NDST4: variants seen among roughly 807,000 people sequenced by gnomAD.
NDST4 encodes N-heparan sulfate sulfotransferase 4.
NDST4 carries 63 observed loss-of-function variants against 100.8 expected under a neutral mutation model. The ratio of observed to expected loss-of-function variants is 0.62; its 90% confidence interval spans 0.51 to 0.77. NDST4 has a LOEUF of 0.77. Ranked by LOEUF, NDST4 falls within the 30% of genes least tolerant of loss-of-function variation. NDST4 has a pLI of 0.00. For missense variants in NDST4, 943 were observed against 1,018.4 expected (o/e 0.93, Z 1.01); for synonymous variants, 377 against 361.8 (o/e 1.04, Z -0.48).
At chr4:114,965,893 T>C (rs1173874447) in intron 4 of NDST4, among the ~76,000 whole-genome samples, 1 of 152,020 alleles carries the variant, frequency 6.6e-6, no homozygotes, top group Non-Finnish European at 1.5e-5. Context: ...TTTTTTTTAT[T>C]AGTGCTTTCA....
intron 7 of NDST4, among the ~76,000 whole-genome samples, chr4:114,858,592 G>A (rs183849703): frequency 6.6e-6 from 1 of 152,156 alleles, no homozygotes; most frequent in Admixed American, 6.6e-5. Context: ...TTGGTGCAGA[G>A]TCCAACAAAT....
intron 2 of NDST4, among the ~76,000 whole-genome samples, chr4:114,989,711 A>G (rs957061272): frequency 1.3e-5 from 2 of 152,166 alleles, no homozygotes; most frequent in African/African-American, 4.8e-5. Flanking sequence ...GCCAATTGAG[A>G]AATGAGGGTC....
At chr4:115,057,763 A>C (rs1364651920) in intron 2 of NDST4, among the ~76,000 whole-genome samples, 4 of 151,384 alleles carry the variant, frequency 2.6e-5, no homozygotes, top group African/African-American at 7.3e-5. Flanking sequence ...CACACACCAA[A>C]AAGGGCAGTG....
chr4:114,994,757 GA>G lies in NDST4; in HGVS notation c.979-17484del, dbSNP rs372836764. On this transcript the variant is annotated intron_variant, in intron 2 of 13. Coordinates refer to ENST00000264363, the MANE Select transcript of NDST4 (RefSeq NM_022569.3). ...CAATATGAAGAATACTTTGAGCTTG[GA>G]AAAAATCTTATCCTCTTGGGTTTAA... Among the ~76,000 whole-genome samples, 1,015 of 151,982 alleles carry G rather than the reference GA, an allele frequency of 6.7e-3. 8 individuals carry two copies. Among genetic ancestry groups the G allele is most frequent in the African/African-American group, 0.021 (877 of 41,484 alleles).
intron 2 of NDST4, among the ~76,000 whole-genome samples, chr4:115,072,637 G>C (rs1162912041): frequency 2.0e-5 from 3 of 151,830 alleles, no homozygotes; most frequent in Admixed American, 1.3e-4. Context: ...ATATCTATAG[G>C]CAGAAGCATG....
At chr4:114,946,016 C>A (rs1725854868) in intron 4 of NDST4, among the ~76,000 whole-genome samples, 1 of 152,284 alleles carries the variant, frequency 6.6e-6, no homozygotes, top group South Asian at 2.1e-4. Flanking sequence ...CAGTCTTGAA[C>A]TTTCCGATCC....
At chr4:114,900,550 C>A (rs1280613715) in intron 6 of NDST4, among the ~76,000 whole-genome samples, 2 of 152,074 alleles carry the variant, frequency 1.3e-5, no homozygotes, top group Admixed American at 6.5e-5. Context: ...CTTAGATACA[C>A]AAATACCAAC....
At chr4:114,878,518 T>C (rs72895263) in intron 6 of NDST4, among the ~76,000 whole-genome samples, 10,533 of 152,212 alleles carry the variant, frequency 0.069, 409 homozygotes, top group African/African-American at 0.098. Context: ...AAAAATCAGA[T>C]TGCTATAATA....
intron 7 of NDST4, among the ~76,000 whole-genome samples, chr4:114,858,004 C>T (rs1447764475): frequency 6.6e-6 from 1 of 152,164 alleles, no homozygotes; most frequent in African/African-American, 2.4e-5. Context: ...AACATTCCTA[C>T]GTGTTGCCTA....
At chr4:114,907,106 T>G (rs931257928) in intron 6 of NDST4, among the ~76,000 whole-genome samples, 4 of 152,138 alleles carry the variant, frequency 2.6e-5, no homozygotes, top group African/African-American at 9.6e-5. Context: ...CATTGGTAAA[T>G]TATTTACCCC....
chr4:114,956,961 C>T (rs1726155028), intron 4 of NDST4, among the ~76,000 whole-genome samples: 1 of 152,106 alleles, frequency 6.6e-6, no homozygotes, highest in African/African-American at 2.4e-5. Flanking sequence ...GAAATTGCCT[C>T]TAAAGGGCCA....
chr4:115,078,937 TA>T (rs1331911109), intron 1 of NDST4, among the ~76,000 whole-genome samples: 1 of 152,038 alleles, frequency 6.6e-6, no homozygotes, highest in Non-Finnish European at 1.5e-5. Context: ...TCAGAACTGA[TA>T]TTTAAAGGAG....
chr4:114,877,223 T>C (rs1392929484), intron 6 of NDST4, among the ~76,000 whole-genome samples: 2 of 152,216 alleles, frequency 1.3e-5, no homozygotes, highest in African/African-American at 4.8e-5. Context: ...TATTATTTTA[T>C]TTACCTGGTG....
At chr4:114,941,541 C>A (rs951278433) in intron 4 of NDST4, among the ~76,000 whole-genome samples, 5 of 152,182 alleles carry the variant, frequency 3.3e-5, no homozygotes, top group African/African-American at 1.2e-4. Context: ...TACTCAAGAC[C>A]AATTTCAGAA....
In NDST4 at chr4:115,109,677, T is replaced by G. The variant is rs567277197; in HGVS notation, c.-247+3767A>C. Among the ~76,000 whole-genome samples, 478 of 151,992 alleles carry G rather than the reference T, an allele frequency of 3.1e-3. 1 individual carries two copies. Among genetic ancestry groups the G allele is most frequent in the Non-Finnish European group, 4.4e-3 (298 of 67,866 alleles). On this transcript the variant is annotated intron_variant, in intron 1 of 13. Coordinates refer to ENST00000264363, the MANE Select transcript of NDST4 (RefSeq NM_022569.3). ...CCTTTTTTCTCAGATTTTTCAAAAT[T>G]TCAACTAATTAAACATAACTATTTA...
At chr4:115,086,091 T>C (rs887395559) in intron 1 of NDST4, among the ~76,000 whole-genome samples, 2 of 152,168 alleles carry the variant, frequency 1.3e-5, no homozygotes, top group Middle Eastern at 6.3e-3. Context: ...AAAAGAATTA[T>C]AAATATCATA....
intron 2 of NDST4, among the ~76,000 whole-genome samples, chr4:114,984,686 C>G (rs906023801): frequency 6.6e-6 from 1 of 152,070 alleles, no homozygotes; most frequent in African/African-American, 2.4e-5. Flanking sequence ...ACCCAGATAA[C>G]ACAAGAAGAA....
intron 2 of NDST4, among the ~76,000 whole-genome samples, chr4:115,043,591 C>T (rs1326553634): frequency 4.0e-5 from 6 of 151,858 alleles, no homozygotes; most frequent in Admixed American, 2.0e-4. Context: ...ACGAAAGAGA[C>T]GGAGTGGAAT....
intron 6 of NDST4, among the ~76,000 whole-genome samples, chr4:114,884,729 T>C (rs1724441405): frequency 6.6e-6 from 1 of 152,170 alleles, no homozygotes; most frequent in Non-Finnish European, 1.5e-5. Flanking sequence ...TGCCTTTTAG[T>C]GAAGAAGTCA....
Sources: allele counts gnomAD v4.1 joint callset (sites outside exome capture counted in the v4.1 genomes callset), GRCh38; gene constraint gnomAD v4.1.1; transcripts MANE v1.5; gene names NCBI Gene and HGNC (gene_info 2026-07-23, HGNC 2026-07-21).